Variants in IDE observed in about 807,000 individuals in gnomAD.
IDE encodes the protein insulin degrading enzyme.
Under a neutral mutation model 133.2 loss-of-function variants are expected in IDE, and 58 were observed. That is an observed-to-expected ratio of 0.44 (90% confidence interval 0.35 to 0.54). The LOEUF is 0.54. Among genes scored for constraint, IDE ranks in the 20% least tolerant of loss-of-function variants. IDE has a pLI of 0.00. For synonymous variants in IDE, 396 were observed against 421.3 expected (o/e 0.94, Z 0.73); for missense variants, 981 against 1,234.0 (o/e 0.79, Z 3.07).
At chr10:92,512,749 A>G (rs1235165608) in intron 5 of IDE, among the ~76,000 whole-genome samples, 1 of 152,196 alleles carries the variant, frequency 6.6e-6, no homozygotes, top group African/African-American at 2.4e-5. Context: ...AACTTAAAAA[A>G]TAGTTTATTT....
chr10:92,487,458 C>A, intron 12 of IDE, 140 bp from the exon 13 acceptor site: 1 of 734,746 alleles, frequency 1.4e-6, no homozygotes, highest in South Asian at 2.1e-5. Context: ...AAAAGAGGTA[C>A]TACCAAATCT....
intron 12 of IDE, among the ~76,000 whole-genome samples, chr10:92,488,060 G>T (rs1326821038): frequency 1.3e-5 from 2 of 152,052 alleles, no homozygotes; most frequent in African/African-American, 4.8e-5. Context: ...CTCCCAAAGT[G>T]CTGGGATTAC....
intron 4 of IDE, among the ~76,000 whole-genome samples, chr10:92,529,211 C>T (rs1031490625): frequency 3.3e-5 from 5 of 152,176 alleles, no homozygotes; most frequent in Non-Finnish European, 5.9e-5. Context: ...CCTACTGCAA[C>T]GATCACTTTT....
intron 1 of IDE, among the ~76,000 whole-genome samples, chr10:92,552,459 C>T (rs1245253116): frequency 1.3e-5 from 2 of 152,034 alleles, no homozygotes; most frequent in African/African-American, 4.8e-5. Flanking sequence ...AATATAAAAA[C>T]GTGTATATGT....
At chr10:92,485,125 C>CTTTTTTTTTTTTTTTTTT (rs34615998) in intron 13 of IDE, among the ~76,000 whole-genome samples, 4 of 100,860 alleles carry the variant, frequency 4.0e-5, no homozygotes, top group South Asian at 3.3e-4. Flanking sequence ...TTCTTTCTTT[C>CTTTTTTTTTTTTTTTTTT]TTTTTTTTTT....
At chr10:92,464,898 G>A (rs1383563283) in intron 20 of IDE, among the ~76,000 whole-genome samples, 1 of 152,184 alleles carries the variant, frequency 6.6e-6, no homozygotes, top group Non-Finnish European at 1.5e-5. Context: ...TTGAACTCCT[G>A]ACCTCAGGTG....
At position 92,535,217 on chromosome 10, in the gene IDE, C is replaced by T. The variant is rs370197500; in HGVS notation, c.284-432G>A. 2.0e-5 allele frequency among the ~76,000 whole-genome samples: 3 copies of T among 152,344 alleles called. No individual in the cohort carries two copies. In the East Asian group the frequency reaches 5.8e-4, roughly 29 times the overall value. On this transcript the variant is annotated intron_variant, in intron 2 of 24. Coordinates refer to ENST00000265986, the MANE Select transcript of IDE (RefSeq NM_004969.4). ...CTCCTGGGTTCACGCCATTCTCCTG[C>T]CTCAGCCTCCTGAGTAGCTGGGACT...
intron 1 of IDE, among the ~76,000 whole-genome samples, chr10:92,548,542 AATGGT>A (rs1319060258): frequency 1.4e-4 from 21 of 152,198 alleles, no homozygotes; most frequent in South Asian, 4.1e-4. Context: ...GTCATCCATG[AATGGT>A]AACTTGATTA....
At chr10:92,476,052 TA>T in intron 15 of IDE, 58 bp from the exon 16 acceptor site, 1 of 677,166 alleles carries the variant, frequency 1.5e-6, no homozygotes, top group Non-Finnish European at 2.5e-6. Flanking sequence ...AACTTCCAAA[TA>T]AACGACTTGA....
intron 21 of IDE, among the ~76,000 whole-genome samples, chr10:92,463,063 A>G (rs557560422): frequency 1.3e-5 from 2 of 152,340 alleles, no homozygotes; most frequent in Admixed American, 1.3e-4. Context: ...ACTCTCTGAA[A>G]GAACAAAACA....
chr10:92,562,250 C>T (rs1244876328), intron 1 of IDE, among the ~76,000 whole-genome samples: 3 of 152,170 alleles, frequency 2.0e-5, no homozygotes, highest in East Asian at 1.9e-4. Context: ...CATTTATAGT[C>T]GGTCATACTC....
intron 1 of IDE, among the ~76,000 whole-genome samples, chr10:92,547,223 GCCA>G (rs971083810): frequency 4.0e-5 from 6 of 150,002 alleles, no homozygotes; most frequent in African/African-American, 1.5e-4. Context: ...ACAGGCATAC[GCCA>G]CCATGCCCGG....
chr10:92,475,965 C>T lies in IDE; in HGVS notation c.1914G>A (p.Gln638=). The stretch of plus-strand genomic sequence containing the variant: ...CAATAATCTTCTTTAGTAAAATTGG[C>T]TGCTTGTCATTGTAACCTTTCACTG... ...YLSVKGYNDK[Q]PILLKKIIEK... The change falls in exon 16 of 25, where the codon CAG becomes CAA. Residue 638 remains glutamine, a synonymous_variant. Coordinates refer to ENST00000265986, the MANE Select transcript of IDE (RefSeq NM_004969.4). 2 of 1,535,646 alleles carry T rather than the reference C, an allele frequency of 1.3e-6. No homozygotes were observed. Among genetic ancestry groups the T allele is most frequent in the South Asian group, 1.2e-5 (1 of 82,706 alleles).
In IDE at chr10:92,573,954, G is replaced by A. The variant is rs1323691568; in HGVS notation, c.66C>T (p.Gly22=). ...ALPSTFRSVL[G]ARLPPPERLC... ...GGCGCTCCGGAGGCGGCAGGCGGGC[G>A]CCGAGGACTGAGCGGAAGGTGCTGG... Residue 22 remains glycine (G), a synonymous_variant, in exon 1 of 25, where the codon GGC becomes GGT. Coordinates refer to ENST00000265986, the MANE Select transcript of IDE (RefSeq NM_004969.4). 17 of 1,482,248 alleles carry A rather than the reference G, an allele frequency of 1.1e-5. No individual in the cohort carries two copies. The highest frequency in any genetic ancestry group is 1.4e-5 in the Non-Finnish European group (16 of 1,121,212). The allele number at this position is 1,482,248 out of a possible 1,614,324, so 91.8% of individuals were successfully genotyped here. A position where few individuals can be genotyped will look rare whatever the true frequency, so the allele number is the denominator to read the frequency against.
intron 14 of IDE, chr10:92,479,735 G>A: frequency 4.4e-6 from 1 of 227,424 alleles, no homozygotes; most frequent in Non-Finnish European, 8.8e-6. Context: ...CAGGGTATGT[G>A]AGCAGTGGGA....
chr10:92,506,578 T>A (rs535363580), intron 9 of IDE, 56 bp from the exon 10 acceptor site: 8 of 848,420 alleles, frequency 9.4e-6, no homozygotes, highest in Non-Finnish European at 9.6e-6. Context: ...GAAACCTTTT[T>A]TTTTTTTTTT....
At chr10:92,513,199 C>T (rs899500326) in intron 5 of IDE, among the ~76,000 whole-genome samples, 5 of 152,026 alleles carry the variant, frequency 3.3e-5, no homozygotes, top group Middle Eastern at 3.4e-3. Flanking sequence ...TTTTTGTTGT[C>T]GTTTGTTTTT....
chr10:92,519,696 T>C (rs1038508274), intron 4 of IDE, among the ~76,000 whole-genome samples: 1 of 152,220 alleles, frequency 6.6e-6, no homozygotes, highest in Non-Finnish European at 1.5e-5. Context: ...CTCTCCTTCA[T>C]TTCCTAGCTG....
chr10:92,537,379 A>C lies in IDE; in HGVS notation c.270T>G (p.Leu90=). 1 of 1,604,040 alleles carries C rather than the reference A, an allele frequency of 6.2e-7. No individual in the cohort carries two copies. Among genetic ancestry groups the C allele is most frequent in the Non-Finnish European group, 8.5e-7 (1 of 1,177,438 alleles). ...TTTCAATTGTACCTATGTGCACATC[A>C]AGTGCTGCTGATGACTTATCCGTGG... The part of the protein sequence containing the change: ...DPTTDKSSAA[L]DVHIGSLSDP... Residue 90 remains leucine (L), a synonymous_variant, in exon 2 of 25, where the codon CTT becomes CTG. Coordinates refer to ENST00000265986, the MANE Select transcript of IDE (RefSeq NM_004969.4).
Sources: allele counts gnomAD v4.1 joint callset (sites outside exome capture counted in the v4.1 genomes callset), GRCh38; gene constraint gnomAD v4.1.1; transcripts MANE v1.5; gene names NCBI Gene and HGNC (gene_info 2026-07-23, HGNC 2026-07-21).